MSRA: variants seen among roughly 807,000 people sequenced by gnomAD.
MSRA encodes the protein mitochondrial peptide methionine sulfoxide reductase.
Under a neutral mutation model 31.3 loss-of-function variants are expected in MSRA, and 54 were observed. The ratio of observed to expected loss-of-function variants is 1.73; its 90% CI spans 1.39 to 2.17. The LOEUF (loss-of-function observed/expected upper bound fraction) is 2.17, where lower values mean the gene tolerates loss of function less well. Ranked by LOEUF, MSRA falls within the 30% of genes most tolerant of loss-of-function variation. The pLI is 0.00. For missense variants in MSRA, 507 were observed against 300.9 expected, an observed-to-expected ratio of 1.69 and a Z score of -5.07; for synonymous variants, 169 against 116.5, an observed-to-expected ratio of 1.45 and a Z score of -2.90.
intron 5 of MSRA, among the ~76,000 whole-genome samples, chr8:10,365,196 A>T (rs1461704396): frequency 1.3e-5 from 2 of 150,632 alleles, no homozygotes; most frequent in African/African-American, 4.9e-5. Context: ...CTTTCAGCTA[A>T]TTATCATCTT....
Position 10,259,660 on chromosome 8 carries a change from C to T in MSRA, c.331+14437C>T, listed in dbSNP as rs961261951. Among the ~76,000 whole-genome samples the T allele has an allele frequency of 2.6e-5, 4 of 152,148 alleles. No individual in the cohort carries two copies. The South Asian group carries it at 6.2e-4, about 24-fold the overall frequency. ...AAAATAATATGTTGATATTCCCCTC[C>T]AGGAAGGTAGACCGTCCTGGGAAAC... On this transcript the variant is annotated intron_variant, in intron 3 of 5. Transcript: ENST00000317173.
At chr8:10,298,949 G>T (rs910259090) in intron 3 of MSRA, among the ~76,000 whole-genome samples, 2 of 152,108 alleles carry the variant, frequency 1.3e-5, no homozygotes, top group Admixed American at 6.5e-5. Flanking sequence ...GAGCGTCTTT[G>T]TGGCTCTTGC....
At chr8:10,213,999 T>A (rs922504451) in intron 2 of MSRA, among the ~76,000 whole-genome samples, 1 of 152,156 alleles carries the variant, frequency 6.6e-6, no homozygotes, top group Non-Finnish European at 1.5e-5. Context: ...GCAAATTCTT[T>A]GGGTTGTCGT....
intron 2 of MSRA, among the ~76,000 whole-genome samples, chr8:10,238,648 A>T (rs1006049365): frequency 6.6e-6 from 1 of 152,236 alleles, no homozygotes; most frequent in African/African-American, 2.4e-5. Context: ...AACATTGGAG[A>T]TAAGTGGGAG....
intron 5 of MSRA, among the ~76,000 whole-genome samples, chr8:10,395,335 T>A (rs1433881037): frequency 1.3e-5 from 2 of 152,210 alleles, no homozygotes; most frequent in African/African-American, 4.8e-5. Flanking sequence ...ATGACCTAAA[T>A]ACGTATGAGT....
chr8:10,139,523 C>T (rs901248845), intron 1 of MSRA, among the ~76,000 whole-genome samples: 1 of 152,180 alleles, frequency 6.6e-6, no homozygotes, highest in Non-Finnish European at 1.5e-5. Flanking sequence ...CCTCATCCTG[C>T]TTCCACCCTC....
chr8:10,152,460 C>G (rs1220048953), intron 1 of MSRA, among the ~76,000 whole-genome samples: 1 of 152,064 alleles, frequency 6.6e-6, no homozygotes, highest in Non-Finnish European at 1.5e-5. Context: ...AGATGACTCA[C>G]TAGATCTGAA....
At chr8:10,257,953 C>G (rs1461038466) in intron 3 of MSRA, among the ~76,000 whole-genome samples, 1 of 152,192 alleles carries the variant, frequency 6.6e-6, no homozygotes, top group Non-Finnish European at 1.5e-5. Context: ...TCCACACACA[C>G]ACGTTGATGG....
chr8:10,243,378 C>T (rs891090201), intron 2 of MSRA, among the ~76,000 whole-genome samples: 3 of 152,188 alleles, frequency 2.0e-5, no homozygotes, highest in Non-Finnish European at 2.9e-5. Flanking sequence ...GAATCCCTAT[C>T]ATCCTCCCCT....
chr8:10,219,806 C>CATAAAAAAA (rs1810324624), intron 2 of MSRA, among the ~76,000 whole-genome samples: 1 of 57,116 alleles, frequency 1.8e-5, no homozygotes, highest in Non-Finnish European at 2.8e-5. Flanking sequence ...ACTCTGTCTC[C>CATAAAAAAA]AAAAAAAAAA....
At chr8:10,146,029 C>G (rs1413621639) in intron 1 of MSRA, among the ~76,000 whole-genome samples, 1 of 152,182 alleles carries the variant, frequency 6.6e-6, no homozygotes, top group Non-Finnish European at 1.5e-5. Context: ...GGAGTATATA[C>G]TTTCAGTACC....
chr8:10,110,047 G>A (rs114629648), intron 1 of MSRA, among the ~76,000 whole-genome samples: 1,540 of 152,192 alleles, frequency 0.01, 25 homozygotes, highest in African/African-American at 0.033. Flanking sequence ...CTTGGCTCTC[G>A]GATGGGAGGC....
chr8:10,296,033 T>C (rs1032331259), intron 3 of MSRA, among the ~76,000 whole-genome samples: 1 of 152,228 alleles, frequency 6.6e-6, no homozygotes, highest in African/African-American at 2.4e-5. Flanking sequence ...GATTCTAGAC[T>C]GGGTAATCGC....
chr8:10,055,524 T>C (rs1253193904), intron 1 of MSRA, among the ~76,000 whole-genome samples: 1 of 152,218 alleles, frequency 6.6e-6, no homozygotes, highest in Non-Finnish European at 1.5e-5. Flanking sequence ...ACCACCTGGG[T>C]GGGCGTTCCC....
At chr8:10,070,439 TAA>T (rs1797671946) in intron 1 of MSRA, among the ~76,000 whole-genome samples, 1 of 152,242 alleles carries the variant, frequency 6.6e-6, no homozygotes, top group Admixed American at 6.5e-5. Flanking sequence ...AATTTTGAGA[TAA>T]TGTTAGATTT....
chr8:10,375,648 T>C lies in MSRA; in HGVS notation c.544-52500T>C, dbSNP rs1299385699. Among the ~76,000 whole-genome samples the C allele has an allele frequency of 2.0e-5, 3 of 152,094 alleles. No homozygotes were observed. The South Asian group carries it at 6.2e-4, about 32-fold the overall frequency. Reference sequence around the variant, plus strand: ...GGCATTGGCTTGTCCAGAATGGCAGTTCCTGGGTAAATAATGAGACCGCAT... The same window carrying C: ...GGCATTGGCTTGTCCAGAATGGCAGCTCCTGGGTAAATAATGAGACCGCAT... On this transcript the variant is annotated intron_variant, in intron 5 of 5. Transcript: ENST00000317173.
intron 3 of MSRA, among the ~76,000 whole-genome samples, chr8:10,265,189 A>T (rs186699980): frequency 1.3e-5 from 2 of 152,176 alleles, no homozygotes; most frequent in Non-Finnish European, 2.9e-5. Flanking sequence ...AGATGCTAAT[A>T]TGCTCTGCAG....
chr8:10,216,223 A>G (rs1809976171), intron 2 of MSRA, among the ~76,000 whole-genome samples: 1 of 152,230 alleles, frequency 6.6e-6, no homozygotes, highest in Admixed American at 6.5e-5. Flanking sequence ...ACAGCCAACT[A>G]ACATGCATTA....
chr8:10,340,061 A>T (rs1050554930), intron 5 of MSRA, among the ~76,000 whole-genome samples: 8 of 152,132 alleles, frequency 5.3e-5, no homozygotes, highest in Non-Finnish European at 1.0e-4. Context: ...CCCGTGTGGT[A>T]TGAGAATATG....
Sources: gnomAD v4.1 joint callset for allele counts (sites outside exome capture counted in the v4.1 genomes callset) on GRCh38, gnomAD v4.1.1 for gene constraint, MANE v1.5 for transcripts, NCBI Gene and HGNC (gene_info 2026-07-23, HGNC 2026-07-21) for gene names.